Variants in EDEM2 observed in about 807,000 individuals in gnomAD.
The protein encoded by EDEM2 is ER degradation enhancing alpha-mannosidase like protein 2.
Under a neutral mutation model 64.8 loss-of-function variants are expected in EDEM2, and 39 were observed. The ratio of observed to expected loss-of-function variants is 0.60; its 90% CI spans 0.47 to 0.79. The LOEUF (loss-of-function observed/expected upper bound fraction) is 0.79, where lower values mean the gene tolerates loss of function less well. Ranked by LOEUF, EDEM2 falls within the 30% of genes least tolerant of loss-of-function variation. The pLI is 0.00. For synonymous variants in EDEM2, 296 were observed against 291.5 expected (o/e 1.02, Z -0.16); for missense variants, 609 against 731.3 (o/e 0.83, Z 1.93).
chr20:35,129,663 A>G (rs1323820936), intron 7 of EDEM2, among the ~76,000 whole-genome samples: 3 of 152,204 alleles, frequency 2.0e-5, no homozygotes, highest in Non-Finnish European at 2.9e-5. Context: ...AAAGTTTACA[A>G]TAGTGTAATG....
intron 10 of EDEM2, among the ~76,000 whole-genome samples, chr20:35,117,583 T>C (rs2085323433): frequency 6.6e-6 from 1 of 152,190 alleles, no homozygotes; most frequent in Admixed American, 6.5e-5. Flanking sequence ...TTTTTTCCCT[T>C]CCACATGTAG....
At position 35,115,387 on chromosome 20, in the gene EDEM2, T is replaced by A; in HGVS notation, c.*46A>T. Reference sequence around the variant, plus strand: ...AATATGATAGCCAAAAGCAATTTATTATAGTTTAGCCTCAAAAAAATAAAA... The same window carrying A: ...AATATGATAGCCAAAAGCAATTTATAATAGTTTAGCCTCAAAAAAATAAAA... On this transcript the variant is annotated 3_prime_UTR_variant, in exon 11 of 11. Coordinates refer to ENST00000374492, the MANE Select transcript of EDEM2 (RefSeq NM_018217.3). 3.2e-6 allele frequency: 5 copies of A among 1,562,836 alleles called. No homozygotes were observed. Among genetic ancestry groups the A allele is most frequent in the Non-Finnish European group, 4.3e-6 (5 of 1,157,832 alleles).
chr20:35,130,665 G>GT (rs2085495399), intron 7 of EDEM2, among the ~76,000 whole-genome samples: 1 of 152,042 alleles, frequency 6.6e-6, no homozygotes, highest in South Asian at 2.1e-4. Flanking sequence ...TCAAAATATC[G>GT]TATCTGACTG....
At chr20:35,129,941 T>C (rs898578742) in intron 7 of EDEM2, among the ~76,000 whole-genome samples, 1 of 152,214 alleles carries the variant, frequency 6.6e-6, no homozygotes, top group Non-Finnish European at 1.5e-5. Context: ...GTACACCCTA[T>C]GATGTTTGCA....
intron 10 of EDEM2, 92 bp from the exon 11 acceptor site, chr20:35,116,025 A>T (rs2085306245): frequency 2.1e-6 from 3 of 1,431,110 alleles, no homozygotes; most frequent in African/African-American, 2.8e-5. Context: ...TTCTGCCACA[A>T]AGCAGCTGAG....
At chr20:35,119,084 A>AAC (rs33962404) in intron 9 of EDEM2, among the ~76,000 whole-genome samples, 1 of 11,180 alleles carries the variant, frequency 8.9e-5, no homozygotes, top group Non-Finnish European at 1.6e-4. Context: ...TGCCAACACT[A>AAC]ACTATTCTAA....
At chr20:35,132,808 G>T (rs959680072) in intron 6 of EDEM2, among the ~76,000 whole-genome samples, 9 of 152,124 alleles carry the variant, frequency 5.9e-5, no homozygotes, top group African/African-American at 1.7e-4. Context: ...AAAGTGCTGG[G>T]ATTACAGGCG....
intron 4 of EDEM2, 49 bp downstream of exon 4, chr20:35,142,324 C>T (rs1195928528): frequency 6.8e-7 from 1 of 1,475,366 alleles, no homozygotes; most frequent in East Asian, 2.3e-5. Context: ...TTTACAGAGG[C>T]AACTTCACAC....
intron 8 of EDEM2, among the ~76,000 whole-genome samples, chr20:35,124,319 C>T (rs936891614): frequency 3.9e-5 from 6 of 152,152 alleles, no homozygotes; most frequent in Non-Finnish European, 7.4e-5. Flanking sequence ...TTTTGGAATT[C>T]GGCCAGCCAG....
At chr20:35,142,811 G>A (rs559233646) in intron 3 of EDEM2, among the ~76,000 whole-genome samples, 1 of 152,268 alleles carries the variant, frequency 6.6e-6, no homozygotes, top group East Asian at 1.9e-4. Context: ...TGCTGCCCAG[G>A]GTAGAGTGCA....
At position 35,134,917 on chromosome 20, in the gene EDEM2, T is replaced by C. The variant is rs1034952579; in HGVS notation, c.523A>G (p.Thr175Ala). 2.5e-6 allele frequency: 4 copies of C among 1,614,164 alleles called. No homozygotes were observed. The South Asian group carries it at 4.4e-5, about 18-fold the overall frequency. The change falls in exon 6 of 11, where the codon ACA becomes GCA. Residue 175 changes from threonine (T) to alanine (A), a missense_variant. Physicochemically the swap from Thr to Ala is moderately conservative, Grantham distance 58. Coordinates refer to ENST00000374492, the MANE Select transcript of EDEM2 (RefSeq NM_018217.3). ...FQTPTGMPYG[T>A]VNLLHGVNPG... ...TTCACGCCATGAAGTAAGTTCACTG[T>C]TCCATATGGCATGCCAGTGGGGGTC...
intron 5 of EDEM2, among the ~76,000 whole-genome samples, chr20:35,137,597 T>G (rs2085594673): frequency 6.6e-6 from 1 of 152,056 alleles, no homozygotes; most frequent in African/African-American, 2.4e-5. Flanking sequence ...ATGGGCTCAT[T>G]CAAAATAAGG....
chr20:35,146,686 C>T, intron 2 of EDEM2, 139 bp downstream of exon 2: 2 of 892,416 alleles, frequency 2.2e-6, no homozygotes, highest in East Asian at 2.7e-5. Context: ...GTAAGAATTG[C>T]GGGGAGCGCG....
At chr20:35,129,954 A>G (rs993309893) in intron 7 of EDEM2, among the ~76,000 whole-genome samples, 26 of 152,204 alleles carry the variant, frequency 1.7e-4, no homozygotes, top group Non-Finnish European at 7.4e-5. Context: ...TGTTTGCACA[A>G]TGATGAAATC....
Position 35,134,825 on chromosome 20 carries a change from C to A in EDEM2, c.615G>T (p.Leu205=). The A allele has an allele frequency of 6.8e-6, 11 of 1,614,168 alleles. No individual in the cohort carries two copies. Among genetic ancestry groups the A allele is most frequent in the Non-Finnish European group, 9.3e-6 (11 of 1,180,036 alleles). The change falls in exon 6 of 11, where the codon CTG becomes CTT. Residue 205 remains leucine, a synonymous_variant. Coordinates refer to ENST00000374492, the MANE Select transcript of EDEM2 (RefSeq NM_018217.3). ...ACACCGGGTCACCAGTGAGGCTGCT[C>A]AGGGTGGCAAATTCAACAATGAAGG... The part of the protein sequence containing the change: ...IGTFIVEFAT[L]SSLTGDPVFE...
chr20:35,118,601 T>C lies in EDEM2; in HGVS notation c.1233A>G (p.Ala411=), dbSNP rs2085334762. The part of the protein sequence containing the change: ...EKISKVECGF[A]TIKDLRDHKL... ...TTGGGGCCATGCAAACACTTACTGT[T>C]GCAAATCCGCACTCCACCTTGCTGA... is the stretch of plus-strand genomic sequence containing the variant. The change falls in exon 10 of 11, where the codon GCA becomes GCG. Residue 411 remains alanine, a synonymous_variant. Coordinates refer to ENST00000374492, the MANE Select transcript of EDEM2 (RefSeq NM_018217.3). 6.2e-7 allele frequency: 1 copy of C among 1,614,096 alleles called. No individual in the cohort carries two copies. Among genetic ancestry groups the C allele is most frequent in the Non-Finnish European group, 8.5e-7 (1 of 1,179,946 alleles).
intron 6 of EDEM2, among the ~76,000 whole-genome samples, chr20:35,133,595 T>G (rs1230275926): frequency 6.6e-6 from 1 of 151,936 alleles, no homozygotes; most frequent in Non-Finnish European, 1.5e-5. Flanking sequence ...GCCTCCCAAG[T>G]AGCTGGGATT....
intron 9 of EDEM2, 77 bp downstream of exon 9, chr20:35,123,813 T>C (rs2085397269): frequency 6.5e-7 from 1 of 1,534,608 alleles, no homozygotes; most frequent in Non-Finnish European, 8.9e-7. Context: ...TTGTGGAGGA[T>C]GGAGCCTTGT....
chr20:35,119,883 G>A lies in EDEM2; in HGVS notation c.1115-1164C>T, dbSNP rs546344839. Among the ~76,000 whole-genome samples the A allele has an allele frequency of 1.6e-4, 24 of 152,110 alleles. 1 individual carries two copies. The highest frequency in any genetic ancestry group is 2.6e-4 in the Admixed American group (4 of 15,280). On this transcript the variant is annotated intron_variant, in intron 9 of 10. Coordinates refer to ENST00000374492, the MANE Select transcript of EDEM2 (RefSeq NM_018217.3). ...GAACTGTTGTAGAGTTGACTTCAAGGGTGGCCTCAGCTCAGTATGTTTTTC... is the reference window on the plus strand; with the variant it reads ...GAACTGTTGTAGAGTTGACTTCAAGAGTGGCCTCAGCTCAGTATGTTTTTC...
Sources: gnomAD v4.1 joint callset for allele counts (sites outside exome capture counted in the v4.1 genomes callset) on GRCh38, gnomAD v4.1.1 for gene constraint, MANE v1.5 for transcripts, NCBI Gene and HGNC (gene_info 2026-07-23, HGNC 2026-07-21) for gene names.